XRCC4: variants seen among roughly 807,000 people sequenced by gnomAD.
XRCC4 encodes DNA repair protein XRCC4.
XRCC4 carries 28 observed loss-of-function variants against 39.1 expected under a neutral mutation model. The observed-to-expected ratio is 0.72, with a 90% confidence interval of 0.53 to 0.98. The LOEUF is 0.98. Among genes scored for constraint, XRCC4 ranks in the 50% least tolerant of loss-of-function variants. XRCC4 has a pLI of 0.00. For synonymous variants in XRCC4, 123 were observed against 126.4 expected (o/e 0.97, Z 0.18); for missense variants, 350 against 376.4 (o/e 0.93, Z 0.58).
At chr5:83,124,247 T>G (rs557727880) in intron 3 of XRCC4, among the ~76,000 whole-genome samples, 15 of 152,176 alleles carry the variant, frequency 9.9e-5, no homozygotes, top group Admixed American at 4.6e-4. Context: ...AGAAACCTCT[T>G]TATTCCCTTG....
chr5:83,099,381 C>A (rs561297456), intron 1 of XRCC4, among the ~76,000 whole-genome samples: 2 of 152,292 alleles, frequency 1.3e-5, no homozygotes, highest in South Asian at 4.1e-4. Flanking sequence ...AGTGTTGTAA[C>A]TAACTTGAGC....
At chr5:83,193,435 TG>T (rs917213537) in intron 3 of XRCC4, among the ~76,000 whole-genome samples, 27 of 152,178 alleles carry the variant, frequency 1.8e-4, no homozygotes, top group African/African-American at 6.5e-4. Context: ...TAAAAAAAGT[TG>T]TATACTTTTA....
intron 6 of XRCC4, among the ~76,000 whole-genome samples, chr5:83,251,523 C>CAAAAA (rs60359773): frequency 2.9e-5 from 2 of 69,906 alleles, no homozygotes; most frequent in African/African-American, 7.9e-5. Flanking sequence ...GACTCCGTCT[C>CAAAAA]AAAAAAAAAA....
intron 1 of XRCC4, among the ~76,000 whole-genome samples, chr5:83,078,649 G>A (rs901748498): frequency 2.0e-5 from 3 of 152,172 alleles, no homozygotes; most frequent in African/African-American, 7.2e-5. Flanking sequence ...TAACTAACTT[G>A]ATATTTGAGT....
intron 6 of XRCC4, among the ~76,000 whole-genome samples, chr5:83,230,691 C>T (rs1304656655): frequency 6.6e-6 from 1 of 151,808 alleles, no homozygotes; most frequent in African/African-American, 2.4e-5. Context: ...GTGATTGGCA[C>T]CTAGGTCCCT....
rs1561398995 is a variant in XRCC4, at chr5:83,199,844, TTC to T, written c.483-3706_483-3705del. ...TTGCTAATTAAATTTAGCATTATTGTTCTGTTTTCCTAGTTATTGTAGAAAGG... is the reference window on the plus strand; with the variant it reads ...TTGCTAATTAAATTTAGCATTATTGTTGTTTTCCTAGTTATTGTAGAAAGG... On this transcript the variant is annotated intron_variant, in intron 4 of 7. Transcript: ENST00000396027. Among the ~76,000 whole-genome samples the T allele has an allele frequency of 3.9e-5, 6 of 152,294 alleles. No individual in the cohort carries two copies. The South Asian group carries it at 1.2e-3, about 32-fold the overall frequency.
intron 6 of XRCC4, among the ~76,000 whole-genome samples, chr5:83,220,846 A>G (rs902044029): frequency 1.3e-5 from 2 of 152,196 alleles, no homozygotes; most frequent in Admixed American, 6.5e-5. Context: ...ATTTAAATGA[A>G]TAATTTGGAC....
At chr5:83,079,753 C>CA (rs1298059300) in intron 1 of XRCC4, among the ~76,000 whole-genome samples, 1 of 152,066 alleles carries the variant, frequency 6.6e-6, no homozygotes, top group Non-Finnish European at 1.5e-5. Flanking sequence ...AGGCTGGTCT[C>CA]AAACTCCTGG....
In XRCC4 at chr5:83,178,036, C is replaced by A. The variant is rs188913654; in HGVS notation, c.316-17734C>A. On this transcript the variant is annotated intron_variant, in intron 3 of 7. Coordinates refer to ENST00000396027, the MANE Select transcript of XRCC4 (RefSeq NM_003401.5). ...GAGATAAGGGGGACAGAGTGGAGAG[C>A]TATTTCAGATATAGAATTGACAGAA... is the stretch of plus-strand genomic sequence containing the variant. Among the ~76,000 whole-genome samples the A allele has an allele frequency of 7.9e-5, 12 of 152,012 alleles. No homozygotes were observed. The East Asian group carries it at 2.1e-3, about 27-fold the overall frequency.
intron 2 of XRCC4, among the ~76,000 whole-genome samples, chr5:83,106,279 AT>A (rs1416125692): frequency 6.6e-6 from 1 of 152,140 alleles, no homozygotes; most frequent in Non-Finnish European, 1.5e-5. Flanking sequence ...AGGGCAATAG[AT>A]TAATGCTGGT....
intron 6 of XRCC4, among the ~76,000 whole-genome samples, chr5:83,223,201 A>G (rs1752153524): frequency 6.6e-6 from 1 of 152,126 alleles, no homozygotes; most frequent in South Asian, 2.1e-4. Flanking sequence ...TTGGTCTAAA[A>G]TGTAGTTTAA....
At chr5:83,088,570 A>C (rs961384017) in intron 1 of XRCC4, among the ~76,000 whole-genome samples, 5 of 152,162 alleles carry the variant, frequency 3.3e-5, no homozygotes, top group Admixed American at 6.5e-5. Flanking sequence ...CAGCATTTTA[A>C]ATTTTGCTGT....
intron 2 of XRCC4, among the ~76,000 whole-genome samples, chr5:83,107,230 T>C (rs183510028): frequency 4.1e-4 from 62 of 152,114 alleles, no homozygotes; most frequent in African/African-American, 1.2e-3. Context: ...AAATAGGAAA[T>C]CAAATAATAT....
chr5:83,273,594 T>A (rs1754218376), intron 7 of XRCC4, among the ~76,000 whole-genome samples: 1 of 152,196 alleles, frequency 6.6e-6, no homozygotes, highest in African/African-American at 2.4e-5. Context: ...GATTTTTGTA[T>A]AAGGTGTAAG....
At chr5:83,146,173 G>A (rs75277340) in intron 3 of XRCC4, among the ~76,000 whole-genome samples, 1,974 of 152,290 alleles carry the variant, frequency 0.013, 32 homozygotes, top group African/African-American at 0.043. Context: ...TCCAAGGAAA[G>A]TGAGCAGCTG....
intron 6 of XRCC4, among the ~76,000 whole-genome samples, chr5:83,219,898 GA>G (rs1752015588): frequency 6.6e-6 from 1 of 151,780 alleles, no homozygotes; most frequent in African/African-American, 2.4e-5. Flanking sequence ...AATTTTATAT[GA>G]AATATATATA....
chr5:83,225,967 T>C (rs1752273295), intron 6 of XRCC4, among the ~76,000 whole-genome samples: 1 of 152,086 alleles, frequency 6.6e-6, no homozygotes, highest in Non-Finnish European at 1.5e-5. Flanking sequence ...GTGGAGTCCT[T>C]CTGCAGATAG....
intron 3 of XRCC4, among the ~76,000 whole-genome samples, chr5:83,118,299 CT>C (rs1333352463): frequency 9.4e-4 from 135 of 143,722 alleles, no homozygotes; most frequent in Middle Eastern, 3.6e-3. Context: ...GTTCCCTTGG[CT>C]TTTTTTTTTT....
intron 3 of XRCC4, among the ~76,000 whole-genome samples, chr5:83,170,829 G>A (rs1376190935): frequency 6.6e-6 from 1 of 152,040 alleles, no homozygotes; most frequent in Non-Finnish European, 1.5e-5. Flanking sequence ...GAAAGGAGGG[G>A]GATTATACGG....
Sources: allele counts gnomAD v4.1 joint callset (sites outside exome capture counted in the v4.1 genomes callset), GRCh38; gene constraint gnomAD v4.1.1; transcripts MANE v1.5; gene names NCBI Gene and HGNC (gene_info 2026-07-23, HGNC 2026-07-21).